GRM5: variants seen among roughly 807,000 people sequenced by gnomAD.
GRM5 encodes the protein metabotropic glutamate receptor 5.
In GRM5, 19 loss-of-function variants were observed where a neutral mutation model predicts 83.1. The ratio of observed to expected loss-of-function variants is 0.23; its 90% CI spans 0.16 to 0.34. GRM5 has a LOEUF of 0.34. Among genes scored for constraint, GRM5 ranks in the 10% least tolerant of loss-of-function variants. The probability of loss-of-function intolerance (pLI) is 1.00; values close to 1 mark genes in which losing one functional copy is unlikely to be tolerated. For synonymous variants in GRM5, 675 were observed against 633.6 expected (o/e 1.07, Z -0.98); for missense variants, 1,160 against 1,588.3 (o/e 0.73, Z 4.58).
At chr11:88,986,309 G>A (rs972888281) in intron 2 of GRM5, among the ~76,000 whole-genome samples, 6 of 152,186 alleles carry the variant, frequency 3.9e-5, no homozygotes, top group Non-Finnish European at 7.3e-5. Flanking sequence ...TAGAGATGGA[G>A]AACAGATTGG....
chr11:88,839,917 T>A (rs1944165930), intron 3 of GRM5, among the ~76,000 whole-genome samples: 1 of 152,102 alleles, frequency 6.6e-6, no homozygotes. Flanking sequence ...ATCAAGAAAA[T>A]CATAGGGAAG....
chr11:88,832,496 T>C (rs1356066274), intron 3 of GRM5, among the ~76,000 whole-genome samples: 1 of 152,154 alleles, frequency 6.6e-6, no homozygotes, highest in Non-Finnish European at 1.5e-5. Context: ...ACATCCCGTA[T>C]TCATAGATTG....
At chr11:88,919,238 CTATATATA>C (rs147135169) in intron 2 of GRM5, among the ~76,000 whole-genome samples, 2 of 32,390 alleles carry the variant, frequency 6.2e-5, no homozygotes, top group Non-Finnish European at 3.2e-4. Flanking sequence ...GCAGGAGTAG[CTATATATA>C]TATATATATA....
intron 5 of GRM5, among the ~76,000 whole-genome samples, chr11:88,604,062 G>T (rs138042362): frequency 6.6e-6 from 1 of 152,292 alleles, no homozygotes; most frequent in African/African-American, 2.4e-5. Flanking sequence ...AGTCATTTAA[G>T]AATTTGGAGT....
intron 2 of GRM5, among the ~76,000 whole-genome samples, chr11:88,897,635 C>G (rs1328530249): frequency 6.6e-6 from 1 of 151,852 alleles, no homozygotes; most frequent in Non-Finnish European, 1.5e-5. Flanking sequence ...CTGCTGACAT[C>G]TAGTAGGTTG....
At chr11:88,805,993 A>T (rs943427373) in intron 3 of GRM5, among the ~76,000 whole-genome samples, 1 of 152,212 alleles carries the variant, frequency 6.6e-6, no homozygotes, top group Admixed American at 6.5e-5. Context: ...GGCAGCTGTC[A>T]AGTGCTGCCA....
At chr11:88,847,290 A>G (rs1349666382) in intron 3 of GRM5, among the ~76,000 whole-genome samples, 2 of 152,182 alleles carry the variant, frequency 1.3e-5, no homozygotes, top group African/African-American at 4.8e-5. Flanking sequence ...CATAAGGGCA[A>G]TAATTATTGT....
chr11:88,583,759 A>G (rs1242322888), intron 7 of GRM5, among the ~76,000 whole-genome samples: 1 of 152,226 alleles, frequency 6.6e-6, no homozygotes, highest in Admixed American at 6.5e-5. Context: ...GTGGCAGGGA[A>G]TGGTGTCCCA....
intron 3 of GRM5, among the ~76,000 whole-genome samples, chr11:88,720,626 T>C (rs1941511068): frequency 6.6e-6 from 1 of 152,086 alleles, no homozygotes; most frequent in South Asian, 2.1e-4. Flanking sequence ...TTTTTTTCTC[T>C]GTAATAGGGA....
chr11:88,692,472 C>A (rs1489004718), intron 3 of GRM5, among the ~76,000 whole-genome samples: 1 of 152,116 alleles, frequency 6.6e-6, no homozygotes, highest in African/African-American at 2.4e-5. Flanking sequence ...AATTCCAACC[C>A]CCCCACAGGC....
At position 88,527,375 on chromosome 11, in the gene GRM5, C is replaced by CCA. The variant is rs1365703819; in HGVS notation, c.2631-1973_2631-1972dup. On this transcript the variant is annotated intron_variant, in intron 8 of 9. Coordinates refer to ENST00000305447, the MANE Select transcript of GRM5 (RefSeq NM_001143831.3). ...TTCTCTTTCTTTCTTTCTCTCATGA[C>CCA]CACACACACTCTGCCAGGTGACCTC... 2.6e-5 allele frequency among the ~76,000 whole-genome samples: 4 copies of CCA among 152,140 alleles called. No homozygotes were observed. The South Asian group carries it at 8.3e-4, about 32-fold the overall frequency.
chr11:88,831,323 A>C, intron 3 of GRM5, among the ~76,000 whole-genome samples: 1 of 152,216 alleles, frequency 6.6e-6, no homozygotes, highest in East Asian at 1.9e-4. Context: ...AAGTGCCATG[A>C]AGAAAGGCTA....
chr11:88,786,520 C>T (rs190908057), intron 3 of GRM5, among the ~76,000 whole-genome samples: 1 of 152,230 alleles, frequency 6.6e-6, no homozygotes, highest in Admixed American at 6.5e-5. Context: ...TCTCAGCCAA[C>T]TAGACTCTTT....
intron 2 of GRM5, among the ~76,000 whole-genome samples, chr11:88,894,061 A>T (rs1375163039): frequency 3.3e-5 from 5 of 151,970 alleles, no homozygotes; most frequent in African/African-American, 1.2e-4. Flanking sequence ...GAAACTAAGC[A>T]CTAGACATTT....
At chr11:89,027,548 A>G (rs1197827507) in intron 2 of GRM5, among the ~76,000 whole-genome samples, 11 of 152,228 alleles carry the variant, frequency 7.2e-5, no homozygotes, top group Non-Finnish European at 1.6e-4. Flanking sequence ...TCACACTTCT[A>G]CATTAAGTAA....
intron 4 of GRM5, among the ~76,000 whole-genome samples, chr11:88,649,883 C>G (rs1185247257): frequency 6.6e-6 from 1 of 151,678 alleles, no homozygotes; most frequent in African/African-American, 2.4e-5. Flanking sequence ...GAACAATAGC[C>G]TCAATAAATA....
At chr11:88,795,598 A>C (rs182337191) in intron 3 of GRM5, among the ~76,000 whole-genome samples, 1 of 152,312 alleles carries the variant, frequency 6.6e-6, no homozygotes, top group Admixed American at 6.5e-5. Flanking sequence ...CAGATTTTTT[A>C]ATGCAAGCTT....
chr11:88,673,813 A>T (rs1940251560), intron 3 of GRM5, among the ~76,000 whole-genome samples: 1 of 151,714 alleles, frequency 6.6e-6, no homozygotes, highest in South Asian at 2.1e-4. Context: ...CTACAAGAGA[A>T]GCGTAGAGAA....
intron 2 of GRM5, among the ~76,000 whole-genome samples, chr11:89,046,081 G>A (rs1659089799): frequency 6.6e-6 from 1 of 152,044 alleles, no homozygotes; most frequent in Non-Finnish European, 1.5e-5. Flanking sequence ...CATCTCCTTT[G>A]CCAGATTGCA....
Sources: gnomAD v4.1 joint callset for allele counts (sites outside exome capture counted in the v4.1 genomes callset) on GRCh38, gnomAD v4.1.1 for gene constraint, MANE v1.5 for transcripts, NCBI Gene and HGNC (gene_info 2026-07-23, HGNC 2026-07-21) for gene names.